The following VPS45 variants were observed in gnomAD, a reference collection of about 807,000 sequenced individuals.
The protein encoded by VPS45 is vacuolar protein sorting 45 homolog.
Under a neutral mutation model 75.9 loss-of-function variants are expected in VPS45, and 35 were observed. The ratio of observed to expected loss-of-function variants is 0.46; its 90% confidence interval spans 0.35 to 0.61. The LOEUF (loss-of-function observed/expected upper bound fraction) is 0.61, where lower values mean the gene tolerates loss of function less well. Ranked by LOEUF, VPS45 falls within the 20% of genes least tolerant of loss-of-function variation. The pLI is 0.00. For missense variants in VPS45, 559 were observed against 685.9 expected, an observed-to-expected ratio of 0.81 and a Z score of 2.07; for synonymous variants, 220 against 238.2, an observed-to-expected ratio of 0.92 and a Z score of 0.70.
At chr1:150,139,069 A>G (rs1283229187) in intron 14 of VPS45, among the ~76,000 whole-genome samples, 1 of 152,122 alleles carries the variant, frequency 6.6e-6, no homozygotes, top group Non-Finnish European at 1.5e-5. Flanking sequence ...GGATTACTGC[A>G]GCTGCTTTAC....
At chr1:150,139,172 C>G (rs761898670) in intron 14 of VPS45, among the ~76,000 whole-genome samples, 3 of 152,100 alleles carry the variant, frequency 2.0e-5, no homozygotes, top group Admixed American at 6.5e-5. Flanking sequence ...TTGCAGAACC[C>G]TCCAGATGTC....
In VPS45 at chr1:150,096,218, A is replaced by T. The variant is rs186507805; in HGVS notation, c.1493+2570A>T. Among the ~76,000 whole-genome samples the T allele has an allele frequency of 1.5e-3, 221 of 152,344 alleles. 1 individual carries two copies. The highest frequency in any genetic ancestry group is 5.1e-3 in the African/African-American group (214 of 41,586). Reference sequence around the variant, plus strand: ...ATTAGTAATATTAAAACCTCTGGAAATGTTGAACTGCTCCAGATTAAACAT... The same window carrying T: ...ATTAGTAATATTAAAACCTCTGGAATTGTTGAACTGCTCCAGATTAAACAT... On this transcript the variant is annotated intron_variant, in intron 13 of 14. Transcript: ENST00000644510.
intron 10 of VPS45, among the ~76,000 whole-genome samples, chr1:150,088,481 TC>T (rs1333454779): frequency 0.88 from 97,205 of 110,918 alleles, 43,988 homozygotes; most frequent in East Asian, 0.97. Flanking sequence ...TTCCCTTTTT[TC>T]TTTTTTTTTT....
chr1:150,092,184 T>G, intron 11 of VPS45, 89 bp downstream of exon 11: 1 of 1,527,072 alleles, frequency 6.5e-7, no homozygotes, highest in Non-Finnish European at 8.9e-7. Flanking sequence ...ATACTATTTT[T>G]ATTTACAGAA....
intron 14 of VPS45, among the ~76,000 whole-genome samples, chr1:150,136,280 GC>G (rs1302066442): frequency 6.6e-6 from 1 of 150,714 alleles, no homozygotes; most frequent in Non-Finnish European, 1.5e-5. Flanking sequence ...GAGGCCGGGT[GC>G]GGTGGTTCAC....
At chr1:150,117,476 C>G (rs1002986331) in intron 14 of VPS45, among the ~76,000 whole-genome samples, 2 of 149,202 alleles carry the variant, frequency 1.3e-5, no homozygotes, top group African/African-American at 4.9e-5. Context: ...GAGCCGAGAT[C>G]GCACCACTGC....
In VPS45 at chr1:150,077,188, A is replaced by C. The variant is rs1655440878; in HGVS notation, c.533A>C (p.Gln178Pro). The C allele has an allele frequency of 6.2e-7, 1 of 1,614,002 alleles. No individual in the cohort carries two copies. Residue 178 changes from glutamine (Q) to proline (P), a missense_variant, in exon 6 of 15, where the codon CAG (glutamine) becomes CCG (proline). Coordinates refer to ENST00000644510, the MANE Select transcript of VPS45 (RefSeq NM_007259.5). ...AAGAAGTGTCCCATGATTCGTTATC[A>C]GCTCTCATCAGAGGCAGCAAAGAGA... ...SLKKCPMIRYQLSSEAAKRLA... is the reference protein window; with the variant it reads ...SLKKCPMIRYPLSSEAAKRLA...
intron 2 of VPS45, among the ~76,000 whole-genome samples, chr1:150,071,741 T>C (rs191034985): frequency 7.3e-5 from 11 of 150,006 alleles, no homozygotes; most frequent in South Asian, 2.1e-4. Context: ...TGAGCCAAGA[T>C]TGTGCCATTG....
At position 150,128,223 on chromosome 1, in the gene VPS45, G is replaced by A. The variant is rs1233928119; in HGVS notation, c.1626-16486G>A. ...AGGCTAAGATGGGAGGATAGCTTGA[G>A]CCCAGGGGGCAGAGGTTGCAGTGAG... On this transcript the variant is annotated intron_variant, in intron 14 of 14. Transcript: ENST00000644510. Among the ~76,000 whole-genome samples, 7 of 151,834 alleles carry A rather than the reference G, an allele frequency of 4.6e-5. No individual in the cohort carries two copies. The East Asian group carries it at 1.4e-3, about 29-fold the overall frequency.
chr1:150,081,353 G>C lies in VPS45; in HGVS notation c.699G>C (p.Gln233His), dbSNP rs782197248. The C allele has an allele frequency of 1.9e-6, 3 of 1,602,508 alleles. No individual in the cohort carries two copies. The highest frequency in any genetic ancestry group is 2.6e-6 in the Non-Finnish European group (3 of 1,176,360). Residue 233 changes from glutamine (Q) to histidine (H), a missense_variant, in exon 8 of 15, where the codon CAG (glutamine) becomes CAC (histidine). By Grantham distance (24) the Gln-to-His change is conservative. Coordinates refer to ENST00000644510, the MANE Select transcript of VPS45 (RefSeq NM_007259.5). ...ITPLLNQWTY[Q>H]AMVHELLGIN... is the part of the protein sequence containing the mutation. ...AATTCTTTATTTAGTGGACATATCA[G>C]GCCATGGTCCACGAACTACTAGGCA...
At chr1:150,102,081 T>TAA (rs36120043) in intron 13 of VPS45, among the ~76,000 whole-genome samples, 2,318 of 150,512 alleles carry the variant, frequency 0.015, 63 homozygotes, top group African/African-American at 0.054. Flanking sequence ...TACTAAAAAA[T>TAA]AAAAAAATTA....
intron 3 of VPS45, among the ~76,000 whole-genome samples, chr1:150,075,138 C>T (rs1475139310): frequency 1.7e-3 from 207 of 119,102 alleles, no homozygotes; most frequent in Middle Eastern, 4.4e-3. Flanking sequence ...TTAAAATTGT[C>T]TTTTTTTTTT....
intron 14 of VPS45, chr1:150,142,802 C>T (rs782067984): frequency 2.3e-6 from 1 of 444,086 alleles, no homozygotes; most frequent in South Asian, 1.6e-5. Context: ...GTAGCTGGGA[C>T]TACAGGCACC....
chr1:150,070,055 G>A lies in VPS45; in HGVS notation c.228+1291G>A, dbSNP rs1034878549. Among the ~76,000 whole-genome samples, 6 of 151,898 alleles carry A rather than the reference G, an allele frequency of 4.0e-5. No homozygotes were observed. The East Asian group carries it at 7.7e-4, about 20-fold the overall frequency. On this transcript the variant is annotated intron_variant, in intron 2 of 14. Transcript: ENST00000644510. ...TATTCCCCTTGTCCCGTCATGCCAC[G>A]GGACGTTTGCATAGTCTTCTTCCTC...
In VPS45 at chr1:150,084,292, T is replaced by C. The variant is rs587678166; in HGVS notation, c.1104+1409T>C. On this transcript the variant is annotated intron_variant, in intron 10 of 14. Coordinates refer to ENST00000644510, the MANE Select transcript of VPS45 (RefSeq NM_007259.5). ...CAAAGAGATCCAGTATAGGATCTTA[T>C]GTAGAAAGTTGAGGTGAGGAAGGCA... is the stretch of plus-strand genomic sequence containing the variant. Among the ~76,000 whole-genome samples the C allele has an allele frequency of 1.3e-4, 20 of 152,272 alleles. No individual in the cohort carries two copies. In the South Asian group the frequency reaches 3.7e-3, roughly 28 times the overall value.
chr1:150,077,652 T>C lies in VPS45; in HGVS notation c.577-17T>C, dbSNP rs367947281. ...AACTAGATGGTTGCACAAACCATCTTTCTCTCTCACCCACAGCAAGTGATA... is the reference window on the plus strand; with the variant it reads ...AACTAGATGGTTGCACAAACCATCTCTCTCTCTCACCCACAGCAAGTGATA... On this transcript the variant is annotated splice_polypyrimidine_tract_variant and intron_variant, in intron 6 of 14. Transcript: ENST00000644510. The C allele has an allele frequency of 4.1e-5, 64 of 1,578,078 alleles. No individual in the cohort carries two copies. Among genetic ancestry groups the C allele is most frequent in the Non-Finnish European group, 5.3e-5 (61 of 1,147,582 alleles).
At chr1:150,121,582 T>C (rs1658233160) in intron 14 of VPS45, among the ~76,000 whole-genome samples, 2 of 152,342 alleles carry the variant, frequency 1.3e-5, no homozygotes, top group Middle Eastern at 3.4e-3. Flanking sequence ...TATATTTACT[T>C]GTAGGGGAGG....
At chr1:150,133,900 C>T (rs1658949101) in intron 14 of VPS45, among the ~76,000 whole-genome samples, 1 of 152,168 alleles carries the variant, frequency 6.6e-6, no homozygotes, top group African/African-American at 2.4e-5. Context: ...GTGCTAGATC[C>T]ATGCAGAATC....
intron 2 of VPS45, among the ~76,000 whole-genome samples, chr1:150,069,496 G>T (rs1183970304): frequency 8.6e-6 from 1 of 116,822 alleles, no homozygotes. Context: ...TCGCTCTGTC[G>T]CCCAGGCTGG....
Sources: allele counts gnomAD v4.1 joint callset (sites outside exome capture counted in the v4.1 genomes callset), GRCh38; gene constraint gnomAD v4.1.1; transcripts MANE v1.5; gene names NCBI Gene and HGNC (gene_info 2026-07-23, HGNC 2026-07-21).